KCTD7: variants seen among roughly 807,000 people sequenced by gnomAD.
KCTD7 encodes the protein BTB/POZ domain-containing protein KCTD7.
KCTD7 carries 15 observed loss-of-function variants against 27.0 expected under a neutral mutation model. The ratio of observed to expected loss-of-function variants is 0.56; its 90% CI spans 0.37 to 0.86. The LOEUF (loss-of-function observed/expected upper bound fraction) is 0.86. KCTD7 is among the 40% of genes least tolerant of loss of function. KCTD7 has a pLI of 0.00. For synonymous variants in KCTD7, 159 were observed against 162.7 expected (o/e 0.98, Z 0.17); for missense variants, 299 against 398.9 (o/e 0.75, Z 2.13).
Position 66,632,488 on chromosome 7 carries a change from C to CA in KCTD7, c.145-770dup, listed in dbSNP as rs79868578. ...GGTGACACAGGCTGGGACTCCGTCT[C>CA]AAAAAAAAAAAAAAAAAGAAAAAGG... On this transcript the variant is annotated intron_variant, in intron 1 of 3. Coordinates refer to ENST00000639828, the MANE Select transcript of KCTD7 (RefSeq NM_153033.5). 5.0e-3 allele frequency among the ~76,000 whole-genome samples: 259 copies of CA among 52,292 alleles called. 1 individual carries two copies. The highest frequency in any genetic ancestry group is 6.9e-3 in the Admixed American group (30 of 4,376). The allele number at this position is 52,292 out of a possible 152,430, so 34.3% of individuals were successfully genotyped here. A position where few individuals can be genotyped will look rare whatever the true frequency, so the allele number is the denominator to read the frequency against.
intron 1 of KCTD7, among the ~76,000 whole-genome samples, chr7:66,629,795 A>G (rs1403160219): frequency 6.6e-6 from 1 of 152,212 alleles, no homozygotes; most frequent in Non-Finnish European, 1.5e-5. Context: ...CCAGCTACCT[A>G]AGGAACAAGG....
At chr7:66,634,278 C>G (rs558007376) in intron 2 of KCTD7, among the ~76,000 whole-genome samples, 1 of 151,742 alleles carries the variant, frequency 6.6e-6, no homozygotes, top group South Asian at 2.1e-4. Flanking sequence ...GTCTCAAGCT[C>G]CTGGCCTTAG....
chr7:66,632,464 G>T (rs932343056), intron 1 of KCTD7, among the ~76,000 whole-genome samples: 1 of 148,496 alleles, frequency 6.7e-6, no homozygotes, highest in Admixed American at 6.7e-5. Flanking sequence ...TCCAGCCTGG[G>T]TGACACAGGC....
At position 66,640,866 on chromosome 7, in the gene KCTD7, C is replaced by T; in HGVS notation, c.*1634C>T. ...AAATAAATAAATAAATTGGGGAGGA[C>T]AGCCTCACTGGTATCAGACTTACAG... On this transcript the variant is annotated 3_prime_UTR_variant, in exon 4 of 4. Transcript: ENST00000639828. 1 of 986,414 alleles carries T rather than the reference C, an allele frequency of 1.0e-6. No individual in the cohort carries two copies. The highest frequency in any genetic ancestry group is 1.2e-6 in the Non-Finnish European group (1 of 830,468). The allele number at this position is 986,414 out of a possible 1,614,324, so 61.1% of individuals were successfully genotyped here.
At chr7:66,632,269 T>C (rs539868706) in intron 1 of KCTD7, among the ~76,000 whole-genome samples, 13 of 151,364 alleles carry the variant, frequency 8.6e-5, no homozygotes, top group East Asian at 5.9e-4. Flanking sequence ...GGGCGGATCA[T>C]GAGGTCAGGA....
intron 2 of KCTD7, among the ~76,000 whole-genome samples, chr7:66,634,732 A>G (rs1786546052): frequency 1.4e-5 from 2 of 142,846 alleles, no homozygotes; most frequent in African/African-American, 5.4e-5. Context: ...AAAGGAATAA[A>G]AAGAGATGGA....
chr7:66,641,067 C>G lies in KCTD7; in HGVS notation c.*1835C>G. ...CGTGGTTTTGCACTCCTGTTGTACT[C>G]TTTTAGAGGTGGAAAAGAGGTGGAT... On this transcript the variant is annotated 3_prime_UTR_variant, in exon 4 of 4. Transcript: ENST00000639828. The G allele has an allele frequency of 3.0e-6, 3 of 985,352 alleles. No homozygotes were observed. Among genetic ancestry groups the G allele is most frequent in the Non-Finnish European group, 3.6e-6 (3 of 829,928 alleles). The allele number at this position is 985,352 out of a possible 1,614,324, so 61.0% of individuals were successfully genotyped here. A position where few individuals can be genotyped will look rare whatever the true frequency, so the allele number is the denominator to read the frequency against.
intron 2 of KCTD7, among the ~76,000 whole-genome samples, chr7:66,634,438 A>G (rs960038689): frequency 2.0e-5 from 3 of 151,570 alleles, no homozygotes; most frequent in African/African-American, 7.3e-5. Context: ...CACCAGTGCC[A>G]TCATAGCTCA....
rs1786732832 is a variant in KCTD7 at position 66,642,143 on chromosome 7, T to C, written c.*2911T>C. 2 of 985,370 alleles carry C rather than the reference T, an allele frequency of 2.0e-6. No individual in the cohort carries two copies. The highest frequency in any genetic ancestry group is 2.4e-6 in the Non-Finnish European group (2 of 829,920). The allele number at this position is 985,370 out of a possible 1,614,324, so 61.0% of individuals were successfully genotyped here. A position where few individuals can be genotyped will look rare whatever the true frequency, so the allele number is the denominator to read the frequency against. The stretch of plus-strand genomic sequence containing the variant: ...AATTCCTTAAAAATAAAAAAGCTAA[T>C]GTTATAGCAACAAAAAAAGACTGAA... On this transcript the variant is annotated 3_prime_UTR_variant, in exon 4 of 4. Coordinates refer to ENST00000639828, the MANE Select transcript of KCTD7 (RefSeq NM_153033.5).
At chr7:66,629,637 G>T (rs1289596826) in intron 1 of KCTD7, among the ~76,000 whole-genome samples, 1 of 151,994 alleles carries the variant, frequency 6.6e-6, no homozygotes, top group African/African-American at 2.4e-5. Context: ...GGAGTTGGAG[G>T]CCAGCCTGGG....
chr7:66,635,481 A>G (rs1226398150), intron 2 of KCTD7, among the ~76,000 whole-genome samples: 2 of 152,018 alleles, frequency 1.3e-5, no homozygotes, highest in Admixed American at 6.6e-5. Flanking sequence ...AGAGGATTAT[A>G]TAAAGAGCCT....
chr7:66,633,960 C>T (rs1205195251), intron 2 of KCTD7, among the ~76,000 whole-genome samples: 4 of 151,856 alleles, frequency 2.6e-5, no homozygotes, highest in East Asian at 3.9e-4. Flanking sequence ...TGCGCTCCAG[C>T]CTGGGCGACA....
intron 2 of KCTD7, among the ~76,000 whole-genome samples, chr7:66,637,308 A>T (rs62469070): frequency 0.04 from 6,002 of 151,916 alleles, 170 homozygotes; most frequent in East Asian, 0.088. Context: ...CTGGTCTTAA[A>T]CTCCTGAGCT....
chr7:66,641,928 T>C lies in KCTD7; in HGVS notation c.*2696T>C. ...GGTCTGGAAGGAAGGCTCCAAAGGA[T>C]GAAAGCTTCTCCCTGATCATAAGGA... On this transcript the variant is annotated 3_prime_UTR_variant, in exon 4 of 4. Coordinates refer to ENST00000639828, the MANE Select transcript of KCTD7 (RefSeq NM_153033.5). 1 of 985,390 alleles carries C rather than the reference T, an allele frequency of 1.0e-6. No individual in the cohort carries two copies. Among genetic ancestry groups the C allele is most frequent in the East Asian group, 1.1e-4 (1 of 8,814 alleles). The allele number at this position is 985,390 out of a possible 1,614,324, so 61.0% of individuals were successfully genotyped here.
chr7:66,634,264 A>T (rs1246839895), intron 2 of KCTD7, among the ~76,000 whole-genome samples: 1 of 151,400 alleles, frequency 6.6e-6, no homozygotes, highest in Non-Finnish European at 1.5e-5. Context: ...TGTTGCCCAG[A>T]CTGGTCTCAA....
At position 66,638,444 on chromosome 7, in the gene KCTD7, T is replaced by A. The variant is rs1057520945; in HGVS notation, c.493+13T>A. 1 of 1,606,334 alleles carries A rather than the reference T, an allele frequency of 6.2e-7. No individual in the cohort carries two copies. Among genetic ancestry groups the A allele is most frequent in the South Asian group, 1.1e-5 (1 of 90,700 alleles). On this transcript the variant is annotated intron_variant, in intron 3 of 3. Coordinates refer to ENST00000639828, the MANE Select transcript of KCTD7 (RefSeq NM_153033.5). ...CCCTATTACAAAGGTGAGGGTCAGC[T>A]GCCCAGGATGGTGGGTATGTGGGAG...
chr7:66,638,323 GC>G lies in KCTD7; in HGVS notation c.388del (p.Gln130SerfsTer18). 1 of 1,614,240 alleles carries G rather than the reference GC, an allele frequency of 6.2e-7. No individual in the cohort carries two copies. The highest frequency in any genetic ancestry group is 8.5e-7 in the Non-Finnish European group (1 of 1,180,034). ...RERVRAVYKE[A>X]QYYAIGPLLE... ...GCGTGTTCGAGCTGTGTACAAAGAG[GC>G]CCAGTACTATGCCATCGGGCCCCTC... On this transcript the variant is annotated frameshift_variant, in exon 3 of 4. Transcript: ENST00000639828. LOFTEE classifies it high-confidence loss of function.
Position 66,642,111 on chromosome 7 carries a change from A to G in KCTD7, c.*2879A>G. The G allele has an allele frequency of 2.0e-6, 2 of 985,474 alleles. No homozygotes were observed. The highest frequency in any genetic ancestry group is 1.7e-5 in the African/African-American group (1 of 57,374). The allele number at this position is 985,474 out of a possible 1,614,324, so 61.0% of individuals were successfully genotyped here. A position where few individuals can be genotyped will look rare whatever the true frequency, so the allele number is the denominator to read the frequency against. On this transcript the variant is annotated 3_prime_UTR_variant, in exon 4 of 4. Transcript: ENST00000639828. ...TGGGACCAATGGTGCAATGCTCGCC[A>G]TAACAAAATTCCTTAAAAATAAAAA...
rs961727321 is a variant in KCTD7 at position 66,642,409 on chromosome 7, A to G, written c.*3177A>G. 2.5e-5 allele frequency: 25 copies of G among 985,290 alleles called. No homozygotes were observed. Among genetic ancestry groups the G allele is most frequent in the Admixed American group, 2.5e-4 (4 of 16,248 alleles). 61.0% of individuals were successfully genotyped at this position (985,290 alleles called of 1,614,324 possible). On this transcript the variant is annotated 3_prime_UTR_variant, in exon 4 of 4. Transcript: ENST00000639828. ...TGCCTAAGGCTTATCAGGTGATATA[A>G]TCTTCCTGTTCTGGGCTGCTTGCTG... is the stretch of plus-strand genomic sequence containing the variant.
Sources: allele counts gnomAD v4.1 joint callset (sites outside exome capture counted in the v4.1 genomes callset), GRCh38; gene constraint gnomAD v4.1.1; transcripts MANE v1.5; gene names NCBI Gene and HGNC (gene_info 2026-07-23, HGNC 2026-07-21).